NF1: variants seen among roughly 807,000 people sequenced by gnomAD.
NF1 encodes neurofibromin 1.
NF1 carries 122 observed loss-of-function variants against 325.7 expected under a neutral mutation model. The observed-to-expected ratio is 0.37, with a 90% CI of 0.32 to 0.44. The LOEUF (loss-of-function observed/expected upper bound fraction) is 0.44. NF1 is among the 20% of genes least tolerant of loss of function. The pLI is 1.00. For missense variants in NF1, 2,140 were observed against 3,415.4 expected (o/e 0.63, Z 9.31); for synonymous variants, 1,091 against 1,186.0 (o/e 0.92, Z 1.65).
intron 39 of NF1, chr17:31,331,543 T>C (rs2069487249): frequency 6.6e-6 from 1 of 152,082 alleles, no homozygotes; most frequent in Non-Finnish European, 1.5e-5. Flanking sequence ...AGTACAATAA[T>C]TAAAACATAC....
At chr17:31,116,368 T>C (rs2073428698) in intron 1 of NF1, among the ~76,000 whole-genome samples, 1 of 152,156 alleles carries the variant, frequency 6.6e-6, no homozygotes, top group Non-Finnish European at 1.5e-5. Context: ...GCAATTTTTA[T>C]GCTAACCCTG....
chr17:31,206,893 A>G lies in NF1; in HGVS notation c.1392+522A>G, dbSNP rs183975668. Among the ~76,000 whole-genome samples the G allele has an allele frequency of 3.3e-5, 5 of 152,314 alleles. No homozygotes were observed. In the East Asian group the frequency reaches 9.6e-4, roughly 29 times the overall value. The stretch of plus-strand genomic sequence containing the variant: ...GGTTTTACAACTGATAGGAACTTTG[A>G]TACTGACATTTGACTCTAAACTTAA... On this transcript the variant is annotated intron_variant, in intron 12 of 57. Transcript: ENST00000358273.
intron 33 of NF1, among the ~76,000 whole-genome samples, chr17:31,259,521 A>C (rs1273355835): frequency 1.3e-5 from 2 of 152,170 alleles, no homozygotes; most frequent in African/African-American, 4.8e-5. Context: ...TGTGATACTT[A>C]AATTTGGAAG....
At position 31,257,240 on chromosome 17, in the gene NF1, C is replaced by T. The variant is rs577083570; in HGVS notation, c.4174-1104C>T. On this transcript the variant is annotated intron_variant, in intron 31 of 57. Transcript: ENST00000358273. The stretch of plus-strand genomic sequence containing the variant: ...AATATCCTTTGAAATGAAGGTTTAT[C>T]CTTGACATCACAGAATATTGAGTGG... Among the ~76,000 whole-genome samples, 21 of 152,242 alleles carry T rather than the reference C, an allele frequency of 1.4e-4. No homozygotes were observed. The East Asian group carries it at 3.5e-3, about 25-fold the overall frequency.
At chr17:31,340,971 T>G (rs2069808387) in intron 47 of NF1, among the ~76,000 whole-genome samples, 1 of 151,978 alleles carries the variant, frequency 6.6e-6, no homozygotes, top group African/African-American at 2.4e-5. Context: ...ATAATATTAA[T>G]AGCTACCATG....
chr17:31,287,646 G>A (rs1027070717), intron 36 of NF1, among the ~76,000 whole-genome samples: 8 of 151,588 alleles, frequency 5.3e-5, no homozygotes, highest in East Asian at 1.9e-4. Flanking sequence ...TGCAACATCC[G>A]CCTCCTGGGC....
chr17:31,114,705 T>C (rs1196259687), intron 1 of NF1, among the ~76,000 whole-genome samples: 2 of 151,408 alleles, frequency 1.3e-5, no homozygotes, highest in Non-Finnish European at 2.9e-5. Context: ...AATACAAATA[T>C]TAGCTGGGCG....
At chr17:31,241,523 T>C (rs1004423994) in intron 29 of NF1, among the ~76,000 whole-genome samples, 1 of 152,220 alleles carries the variant, frequency 6.6e-6, no homozygotes, top group African/African-American at 2.4e-5. Context: ...TTGTATGTTT[T>C]TGATTTGAGG....
At chr17:31,250,291 A>G (rs2067472864) in intron 30 of NF1, 1 of 246,672 alleles carries the variant, frequency 4.1e-6, no homozygotes, top group South Asian at 7.9e-5. Context: ...GAAACTTAAT[A>G]CAGTGAATAT....
chr17:31,167,821 T>G (rs1314687890), intron 4 of NF1, among the ~76,000 whole-genome samples: 3 of 152,208 alleles, frequency 2.0e-5, no homozygotes, highest in Non-Finnish European at 4.4e-5. Context: ...TTTCTACGTT[T>G]GTGATAACTT....
At chr17:31,253,295 A>G in intron 31 of NF1, 1 of 323,748 alleles carries the variant, frequency 3.1e-6, no homozygotes, top group East Asian at 6.3e-5. Flanking sequence ...AATGAATGCA[A>G]AGAAACTTAA....
rs1567611500 is a variant in NF1 at position 31,326,067 on chromosome 17, C to T, written c.5083C>T (p.Arg1695Trp). 2.5e-6 allele frequency: 4 copies of T among 1,614,034 alleles called. No individual in the cohort carries two copies. Among genetic ancestry groups the T allele is most frequent in the Non-Finnish European group, 2.5e-6 (3 of 1,179,944 alleles). ...CAGGGAGTACACCAAGTATCATGAGCGGCTGCTGACTGGCCTCAAAGGTAG... is the reference window on the plus strand; with the variant it reads ...CAGGGAGTACACCAAGTATCATGAGTGGCTGCTGACTGGCCTCAAAGGTAG... The part of the protein sequence containing the change: ...WVREYTKYHE[R>W]LLTGLKGSKR... Residue 1695 changes from arginine (R) to tryptophan (W), a missense_variant, in exon 37 of 58, where the codon CGG becomes TGG. Transcript: ENST00000358273.
At chr17:31,320,322 G>A in intron 36 of NF1, 1 of 1,424,702 alleles carries the variant, frequency 7.0e-7, no homozygotes, top group South Asian at 1.4e-5. Flanking sequence ...CTTCTCAAAT[G>A]TACTTAGGAG....
chr17:31,235,811 G>A (rs2151438193), intron 28 of NF1, 39 bp downstream of exon 28: 1 of 1,613,308 alleles, frequency 6.2e-7, no homozygotes, highest in Non-Finnish European at 8.5e-7. Flanking sequence ...GTGTGCTGAG[G>A]TATGTCAAGT....
chr17:31,277,477 T>C (rs2068030636), intron 36 of NF1, among the ~76,000 whole-genome samples: 1 of 152,186 alleles, frequency 6.6e-6, no homozygotes, highest in Non-Finnish European at 1.5e-5. Flanking sequence ...TGACAGAAAT[T>C]AGTTCGTGCT....
chr17:31,238,120 C>T (rs1026488975), intron 29 of NF1, among the ~76,000 whole-genome samples: 31 of 152,088 alleles, frequency 2.0e-4, no homozygotes, highest in Admixed American at 1.4e-3. Context: ...TCATAATTGA[C>T]GAGTTGCTGG....
intron 36 of NF1, among the ~76,000 whole-genome samples, chr17:31,283,490 G>A (rs2068164821): frequency 6.6e-6 from 1 of 151,530 alleles, no homozygotes; most frequent in Admixed American, 6.6e-5. Flanking sequence ...GTCTCACTCT[G>A]TCGCCCAGGC....
intron 1 of NF1, among the ~76,000 whole-genome samples, chr17:31,099,943 C>G (rs1393407798): frequency 6.6e-6 from 1 of 151,376 alleles, no homozygotes; most frequent in East Asian, 1.9e-4. Context: ...GTTCTGTATG[C>G]CCCACTGGTT....
At chr17:31,317,368 A>AACACACACACACAC (rs3138611) in intron 36 of NF1, among the ~76,000 whole-genome samples, 25 of 144,648 alleles carry the variant, frequency 1.7e-4, no homozygotes, top group East Asian at 1.4e-3. Flanking sequence ...TCCAGATTTG[A>AACACACACACACAC]ACACACACAC....
Sources: gnomAD v4.1 joint callset for allele counts (sites outside exome capture counted in the v4.1 genomes callset) on GRCh38, gnomAD v4.1.1 for gene constraint, MANE v1.5 for transcripts, NCBI Gene and HGNC (gene_info 2026-07-23, HGNC 2026-07-21) for gene names.